The following C12orf50 variants were observed in gnomAD, a reference collection of about 807,000 sequenced individuals.
C12orf50 encodes the protein zinc finger CCCH-type containing 11D.
A neutral mutation model predicts 61.6 loss-of-function variants in C12orf50; 35 were observed. That is an observed-to-expected ratio of 0.57 (90% CI 0.43 to 0.75). The LOEUF is 0.75. C12orf50 is among the 30% of genes least tolerant of loss of function. The pLI is 0.00. For synonymous variants in C12orf50, 178 were observed against 161.5 expected (o/e 1.10, Z -0.77); for missense variants, 475 against 488.5 (o/e 0.97, Z 0.26).
chr12:87,989,454 T>C (rs1229009809), intron 7 of C12orf50, 83 bp from the exon 8 acceptor site: 3 of 916,040 alleles, frequency 3.3e-6, no homozygotes, highest in African/African-American at 3.3e-5. Context: ...TTTTCTACAA[T>C]ACCCCTTTTG....
intron 11 of C12orf50, 137 bp downstream of exon 11, chr12:87,985,713 C>T: frequency 1.3e-6 from 1 of 793,478 alleles, no homozygotes; most frequent in Non-Finnish European, 2.1e-6. Context: ...GAAATCCTCT[C>T]ACTAGTTTCT....
intron 3 of C12orf50, among the ~76,000 whole-genome samples, chr12:88,012,886 A>G (rs907472387): frequency 1.3e-5 from 2 of 152,124 alleles, no homozygotes; most frequent in Admixed American, 6.5e-5. Context: ...TAATATGGTG[A>G]GATACCATCT....
At chr12:88,009,649 A>T (rs1592672884) in intron 3 of C12orf50, among the ~76,000 whole-genome samples, 1 of 152,146 alleles carries the variant, frequency 6.6e-6, no homozygotes, top group South Asian at 2.1e-4. Context: ...TTCCAACAAC[A>T]AAGAACTATC....
chr12:87,998,432 G>A (rs780716358), intron 3 of C12orf50, among the ~76,000 whole-genome samples: 1 of 151,858 alleles, frequency 6.6e-6, no homozygotes, highest in Non-Finnish European at 1.5e-5. Flanking sequence ...TTTAACATAA[G>A]ATGTGCAAAA....
chr12:87,990,574 C>T (rs1354261311), intron 7 of C12orf50, among the ~76,000 whole-genome samples: 1 of 152,096 alleles, frequency 6.6e-6, no homozygotes, highest in Non-Finnish European at 1.5e-5. Context: ...ACTGCAATGC[C>T]TGAGAGCAAT....
At chr12:88,015,101 C>A (rs2136474849) in intron 3 of C12orf50, among the ~76,000 whole-genome samples, 1 of 152,182 alleles carries the variant, frequency 6.6e-6, no homozygotes, top group South Asian at 2.1e-4. Flanking sequence ...CGGGGGCTAC[C>A]ATTTGATGTG....
At chr12:88,019,416 G>A (rs1036779052) in intron 3 of C12orf50, among the ~76,000 whole-genome samples, 1 of 152,054 alleles carries the variant, frequency 6.6e-6, no homozygotes, top group African/African-American at 2.4e-5. Flanking sequence ...GCCCAGTCTT[G>A]GGTATGTCTT....
At chr12:88,005,339 A>T in intron 3 of C12orf50, among the ~76,000 whole-genome samples, 1 of 152,150 alleles carries the variant, frequency 6.6e-6, no homozygotes, top group East Asian at 1.9e-4. Context: ...TCCTCAGAGG[A>T]TGTAGCCTTG....
intron 1 of C12orf50, chr12:88,029,078 T>C (rs1235053443): frequency 7.8e-7 from 1 of 1,286,164 alleles, no homozygotes; most frequent in Non-Finnish European, 1.0e-6. Context: ...TTTATGCATG[T>C]GGAATTAAAA....
intron 7 of C12orf50, among the ~76,000 whole-genome samples, chr12:87,990,665 G>T (rs2136416379): frequency 6.6e-6 from 1 of 151,976 alleles, no homozygotes; most frequent in African/African-American, 2.4e-5. Context: ...ACTTACTACG[G>T]ATTTTTCCCT....
At chr12:88,000,869 A>G (rs1474247183) in intron 3 of C12orf50, among the ~76,000 whole-genome samples, 1 of 151,836 alleles carries the variant, frequency 6.6e-6, no homozygotes, top group African/African-American at 2.4e-5. Flanking sequence ...CCATTACTGT[A>G]TATTAATATT....
intron 9 of C12orf50, 149 bp downstream of exon 9, chr12:87,987,701 T>G (rs1488246792): frequency 3.4e-6 from 2 of 590,008 alleles, no homozygotes; most frequent in African/African-American, 3.8e-5. Context: ...AGTTAGTTAG[T>G]AGAGGATATT....
At chr12:87,985,302 C>T (rs2030750184) in intron 11 of C12orf50, 2 of 152,238 alleles carry the variant, frequency 1.3e-5, no homozygotes. Flanking sequence ...AGATTCGGTT[C>T]TCTTCTCCCC....
intron 3 of C12orf50, among the ~76,000 whole-genome samples, chr12:88,005,602 C>T (rs2031828128): frequency 6.6e-6 from 1 of 152,126 alleles, no homozygotes; most frequent in South Asian, 2.1e-4. Flanking sequence ...TGTTCCAATC[C>T]CAAAAGAACT....
chr12:87,993,571 C>CA (rs940553340), intron 7 of C12orf50, among the ~76,000 whole-genome samples: 25 of 150,240 alleles, frequency 1.7e-4, no homozygotes, highest in Admixed American at 3.3e-4. Flanking sequence ...ACCTTAGCAC[C>CA]AAAAAAAAAG....
At chr12:88,018,993 A>C (rs1016975822) in intron 3 of C12orf50, among the ~76,000 whole-genome samples, 7 of 152,196 alleles carry the variant, frequency 4.6e-5, no homozygotes, top group African/African-American at 1.2e-4. Flanking sequence ...CTTTTAAGTT[A>C]ATGTTAAAAT....
At position 87,996,660 on chromosome 12, in the gene C12orf50, A is replaced by G. The variant is rs758895819; in HGVS notation, c.290-14T>C. On this transcript the variant is annotated splice_polypyrimidine_tract_variant and intron_variant, in intron 4 of 12. Transcript: ENST00000298699. ...AACTAGAAGCATCTATAGGATATAGATTTTTTAAATTAAATTGTCCCAAAG... is the reference window on the plus strand; with the variant it reads ...AACTAGAAGCATCTATAGGATATAGGTTTTTTAAATTAAATTGTCCCAAAG... 6.4e-6 allele frequency: 10 copies of G among 1,566,540 alleles called. No individual in the cohort carries two copies. The highest frequency in any genetic ancestry group is 4.1e-5 in the African/African-American group (3 of 73,058).
Position 87,996,381 on chromosome 12 carries a change from C to A in C12orf50, c.474G>T (p.Leu158Phe), listed in dbSNP as rs1359453995. Residue 158 changes from leucine to phenylalanine, a missense_variant, in exon 6 of 13, where the codon TTG becomes TTT. Leu to Phe is a conservative substitution (Grantham distance 22). Transcript: ENST00000298699. ...TGCCTTTTCATTTCTTACCTTCTTGCAATTCACTGCCATTTTCCAAAGGCT... is the reference window on the plus strand; with the variant it reads ...TGCCTTTTCATTTCTTACCTTCTTGAAATTCACTGCCATTTTCCAAAGGCT... ...LEKPLENGSELQEGDSLTVPT... is the reference protein window; with the variant it reads ...LEKPLENGSEFQEGDSLTVPT... 25 of 1,604,402 alleles carry A rather than the reference C, an allele frequency of 1.6e-5. No individual in the cohort carries two copies. Among genetic ancestry groups the A allele is most frequent in the East Asian group, 4.5e-5 (2 of 44,686 alleles).
At chr12:88,014,788 C>T (rs2032249543) in intron 3 of C12orf50, among the ~76,000 whole-genome samples, 1 of 152,142 alleles carries the variant, frequency 6.6e-6, no homozygotes, top group Non-Finnish European at 1.5e-5. Context: ...GAAAATTATC[C>T]AGCATAGCGC....
Sources: gnomAD v4.1 joint callset for allele counts (sites outside exome capture counted in the v4.1 genomes callset) on GRCh38, gnomAD v4.1.1 for gene constraint, MANE v1.5 for transcripts, NCBI Gene and HGNC (gene_info 2026-07-23, HGNC 2026-07-21) for gene names.